The following SEPTIN9 variants were observed in gnomAD, a reference collection of about 807,000 sequenced individuals.
The protein encoded by SEPTIN9 is septin 9.
In SEPTIN9, 13 loss-of-function variants were observed where a neutral mutation model predicts 56.6. That is an observed-to-expected ratio of 0.23 (90% CI 0.15 to 0.37). The LOEUF is 0.37. Ranked by LOEUF, SEPTIN9 falls within the 10% of genes least tolerant of loss-of-function variation. The pLI is 1.00. For synonymous variants in SEPTIN9, 332 were observed against 334.1 expected (o/e 0.99, Z 0.07); for missense variants, 650 against 823.1 (o/e 0.79, Z 2.57).
intron 3 of SEPTIN9, among the ~76,000 whole-genome samples, chr17:77,410,721 G>A (rs933042046): frequency 1.3e-5 from 2 of 152,196 alleles, no homozygotes; most frequent in Non-Finnish European, 2.9e-5. Context: ...TGTTAAACAA[G>A]CACATAAACA....
At chr17:77,324,439 C>T (rs2033056906) in intron 2 of SEPTIN9, among the ~76,000 whole-genome samples, 1 of 152,148 alleles carries the variant, frequency 6.6e-6, no homozygotes, top group African/African-American at 2.4e-5. Flanking sequence ...CGTTTCTGTG[C>T]TCCTGGTGAG....
At position 77,371,075 on chromosome 17, in the gene SEPTIN9, G is replaced by A. The variant is rs548821789; in HGVS notation, c.77-30984G>A. 6.6e-6 allele frequency among the ~76,000 whole-genome samples: 1 copy of A among 152,330 alleles called. No homozygotes were observed. Among genetic ancestry groups the A allele is most frequent in the South Asian group, 2.1e-4 (1 of 4,820 alleles). Reference sequence around the variant, plus strand: ...AATTAGAGCAGTTGGTTAGATACGAGGGTGAACTTCCTGGCTGGGAGTATG... The same window carrying A: ...AATTAGAGCAGTTGGTTAGATACGAAGGTGAACTTCCTGGCTGGGAGTATG... On this transcript the variant is annotated intron_variant, in intron 2 of 11. Transcript: ENST00000427177. The surrounding 1 kb of genome is among the most constrained non-coding windows in gnomAD (Gnocchi z 4.1).
intron 2 of SEPTIN9, among the ~76,000 whole-genome samples, chr17:77,356,775 G>C: frequency 7.3e-6 from 1 of 137,476 alleles, no homozygotes; most frequent in East Asian, 2.2e-4. Context: ...ACTCAGGCCT[G>C]GAAAGGGTGG....
intron 3 of SEPTIN9, among the ~76,000 whole-genome samples, chr17:77,411,336 A>AT (rs570407075): frequency 1.2e-3 from 187 of 150,980 alleles, no homozygotes; most frequent in African/African-American, 4.2e-3. Flanking sequence ...ACCAGCTTTT[A>AT]TTTTTTCCAT....
At chr17:77,347,453 T>C (rs1377020332) in intron 2 of SEPTIN9, among the ~76,000 whole-genome samples, 2 of 152,134 alleles carry the variant, frequency 1.3e-5, no homozygotes, top group East Asian at 1.9e-4. Flanking sequence ...TCAGGTTTTA[T>C]ATCATGTATT....
chr17:77,489,589 G>T (rs2039940131), intron 7 of SEPTIN9, among the ~76,000 whole-genome samples: 1 of 152,176 alleles, frequency 6.6e-6, no homozygotes, highest in Non-Finnish European at 1.5e-5. Context: ...CTGCATGGGT[G>T]GGTGGAGAAG....
chr17:77,303,505 A>G (rs1053487587), intron 1 of SEPTIN9, among the ~76,000 whole-genome samples: 2 of 148,566 alleles, frequency 1.3e-5, no homozygotes, highest in Non-Finnish European at 3.0e-5. Context: ...ACCTGAGGTC[A>G]GTTCGAGACC....
intron 2 of SEPTIN9, among the ~76,000 whole-genome samples, chr17:77,325,428 C>T (rs151200384): frequency 8.5e-4 from 130 of 152,318 alleles, no homozygotes; most frequent in African/African-American, 3.0e-3. Context: ...GGGGAAGTCC[C>T]GGGCTGGGCC....
intron 3 of SEPTIN9, among the ~76,000 whole-genome samples, chr17:77,408,396 T>A (rs1427467273): frequency 1.7e-4 from 26 of 151,862 alleles, no homozygotes; most frequent in Non-Finnish European, 2.9e-5. Context: ...ACCCAGAGGG[T>A]CTGGAAATCT....
Position 77,281,807 on chromosome 17 carries a change from C to G in SEPTIN9, c.19+253C>G, listed in dbSNP as rs183216271. The G allele has an allele frequency of 2.3e-3, 1,115 of 494,910 alleles. 10 individuals carry two copies. Among genetic ancestry groups the G allele is most frequent in the African/African-American group, 0.02 (980 of 48,916 alleles). The allele number at this position is 494,910 out of a possible 1,614,324, so 30.7% of individuals were successfully genotyped here. On this transcript the variant is annotated intron_variant, in intron 1 of 11. Coordinates refer to ENST00000427177, the MANE Select transcript of SEPTIN9 (RefSeq NM_001113491.2). Reference sequence around the variant, plus strand: ...GCTGCCCTGGGGGACGCTCCCTCTTCCTCGCCCCTTGCACCCTCGCAGGAA... The same window carrying G: ...GCTGCCCTGGGGGACGCTCCCTCTTGCTCGCCCCTTGCACCCTCGCAGGAA...
In SEPTIN9 at chr17:77,475,174, G is replaced by A; in HGVS notation, c.722-6970G>A. 8.7e-7 allele frequency: 1 copy of A among 1,145,546 alleles called. No homozygotes were observed. The highest frequency in any genetic ancestry group is 1.1e-6 in the Non-Finnish European group (1 of 919,700). The allele number at this position is 1,145,546 out of a possible 1,614,324, so 71.0% of individuals were successfully genotyped here. On this transcript the variant is annotated intron_variant, in intron 3 of 11. Transcript: ENST00000427177. The surrounding 1 kb of genome is among the most constrained non-coding windows in gnomAD (Gnocchi z 4.6). ...CCGGGCTGGGGTGAGCGTGATGGATGAGGTGTCTGGCTTCACAAACCCTGT... is the reference window on the plus strand; with the variant it reads ...CCGGGCTGGGGTGAGCGTGATGGATAAGGTGTCTGGCTTCACAAACCCTGT...
At position 77,433,011 on chromosome 17, in the gene SEPTIN9, G is replaced by GAGC; in HGVS notation, c.721+30308_721+30309insAGC. On this transcript the variant is annotated intron_variant, in intron 3 of 11. Transcript: ENST00000427177. This position sits in a 1 kb window ranked among gnomAD's most constrained non-coding sequence, Gnocchi z 6.4. ...TCAGAGAATCCCCTGTCGCCGTGGC[G>GAGC]GGGCTGTTCCCTCCTGCCCCTCCCC... Among the ~76,000 whole-genome samples the GAGC allele has an allele frequency of 6.6e-6, 1 of 152,200 alleles. No homozygotes were observed. Among genetic ancestry groups the GAGC allele is most frequent in the Non-Finnish European group, 1.5e-5 (1 of 68,022 alleles).
chr17:77,353,586 G>A (rs529464538), intron 2 of SEPTIN9, among the ~76,000 whole-genome samples: 8 of 151,964 alleles, frequency 5.3e-5, no homozygotes, highest in South Asian at 4.2e-4. Context: ...CTTATTTTAC[G>A]ACAACTTGAA....
Position 77,450,663 on chromosome 17 carries a change from G to A in SEPTIN9, c.722-31481G>A. 1.0e-6 allele frequency: 1 copy of A among 986,264 alleles called. No individual in the cohort carries two copies. Among genetic ancestry groups the A allele is most frequent in the Non-Finnish European group, 1.2e-6 (1 of 830,670 alleles). 61.1% of individuals were successfully genotyped at this position (986,264 alleles called of 1,614,324 possible). On this transcript the variant is annotated intron_variant, in intron 3 of 11. Coordinates refer to ENST00000427177, the MANE Select transcript of SEPTIN9 (RefSeq NM_001113491.2). The surrounding 1 kb of genome is among the most constrained non-coding windows in gnomAD (Gnocchi z 6.0). ...CCCTCTGGGTCCCAGCACATCCCAGGCCTGCAGGGAGGGGGAGAGGAAGAG... is the reference window on the plus strand; with the variant it reads ...CCCTCTGGGTCCCAGCACATCCCAGACCTGCAGGGAGGGGGAGAGGAAGAG...
intron 2 of SEPTIN9, among the ~76,000 whole-genome samples, chr17:77,352,808 C>T (rs1258054998): frequency 3.3e-5 from 5 of 152,096 alleles, no homozygotes; most frequent in East Asian, 1.9e-4. Flanking sequence ...GGGACACAGG[C>T]GCACGCCACC....
intron 1 of SEPTIN9, among the ~76,000 whole-genome samples, chr17:77,289,655 G>A (rs1358596317): frequency 2.6e-5 from 4 of 152,098 alleles, no homozygotes; most frequent in Non-Finnish European, 5.9e-5. Context: ...TGATCCGCCC[G>A]CCTTGGCCTC....
chr17:77,284,204 G>A (rs2143477429), intron 1 of SEPTIN9, among the ~76,000 whole-genome samples: 1 of 152,366 alleles, frequency 6.6e-6, no homozygotes, highest in East Asian at 1.9e-4. Context: ...TGAGACAGGA[G>A]GATCGCTTGA....
At chr17:77,459,876 C>T (rs575369069) in intron 3 of SEPTIN9, among the ~76,000 whole-genome samples, 1 of 152,264 alleles carries the variant, frequency 6.6e-6, no homozygotes, top group East Asian at 1.9e-4. Flanking sequence ...TGGGGTTTCA[C>T]CATGTTGGTC....
intron 2 of SEPTIN9, among the ~76,000 whole-genome samples, chr17:77,336,692 C>A (rs1003819912): frequency 9.2e-5 from 14 of 151,902 alleles, no homozygotes; most frequent in Non-Finnish European, 8.8e-5. Context: ...TTACTTCTTT[C>A]TGATCTTGAT....
Sources: allele counts gnomAD v4.1 joint callset (sites outside exome capture counted in the v4.1 genomes callset), GRCh38; gene constraint gnomAD v4.1.1; non-coding constraint Gnocchi (gnomAD v3.1); transcripts MANE v1.5; gene names NCBI Gene and HGNC (gene_info 2026-07-23, HGNC 2026-07-21).